GRID2: variants seen among roughly 807,000 people sequenced by gnomAD.
The protein encoded by GRID2 is glutamate receptor ionotropic, delta-2.
Under a neutral mutation model 114.8 loss-of-function variants are expected in GRID2, and 33 were observed. The ratio of observed to expected loss-of-function variants is 0.29; its 90% CI spans 0.22 to 0.38. The LOEUF is 0.38. Ranked by LOEUF, GRID2 falls within the 10% of genes least tolerant of loss-of-function variation. The pLI, the probability that GRID2 is intolerant of heterozygous loss-of-function variation, is 1.00. For synonymous variants in GRID2, 505 were observed against 449.9 expected (o/e 1.12, Z -1.55); for missense variants, 1,184 against 1,257.7 (o/e 0.94, Z 0.89).
intron 13 of GRID2, among the ~76,000 whole-genome samples, chr4:93,562,065 A>G (rs1486634452): frequency 6.6e-6 from 1 of 152,104 alleles, no homozygotes; most frequent in Non-Finnish European, 1.5e-5. Context: ...TTGCTGAATC[A>G]TATGGTAACA....
At chr4:92,822,365 A>G (rs1741349915) in intron 2 of GRID2, 2 of 616,956 alleles carry the variant, frequency 3.2e-6, no homozygotes. Context: ...TGTGTGGCCA[A>G]AGTGGTTCAT....
chr4:93,179,124 C>T (rs146005434), intron 4 of GRID2, among the ~76,000 whole-genome samples: 1 of 152,280 alleles, frequency 6.6e-6, no homozygotes, highest in Non-Finnish European at 1.5e-5. Flanking sequence ...AGCTGAGAAT[C>T]CTACTGAGGC....
chr4:93,166,454 T>C (rs1423330663), intron 4 of GRID2, among the ~76,000 whole-genome samples: 1 of 152,106 alleles, frequency 6.6e-6, no homozygotes, highest in Non-Finnish European at 1.5e-5. Flanking sequence ...CTAAAAATAT[T>C]TGGAGAAAGA....
chr4:93,070,541 T>G (rs1728720062), intron 2 of GRID2, among the ~76,000 whole-genome samples: 1 of 152,058 alleles, frequency 6.6e-6, no homozygotes, highest in Admixed American at 6.6e-5. Flanking sequence ...GTGATCCAGC[T>G]CCTGCTGCCA....
intron 14 of GRID2, among the ~76,000 whole-genome samples, chr4:93,764,592 G>A (rs1285547475): frequency 2.0e-5 from 3 of 152,096 alleles, no homozygotes; most frequent in African/African-American, 4.8e-5. Context: ...ACACCACAAT[G>A]ACCCTCAAAA....
At chr4:93,454,555 G>A (rs1464694086) in intron 10 of GRID2, among the ~76,000 whole-genome samples, 2 of 151,804 alleles carry the variant, frequency 1.3e-5, no homozygotes, top group East Asian at 1.9e-4. Context: ...ATATGAACTC[G>A]GTACACACAG....
At chr4:92,682,168 C>T (rs554280761) in intron 2 of GRID2, among the ~76,000 whole-genome samples, 35 of 152,002 alleles carry the variant, frequency 2.3e-4, no homozygotes, top group Middle Eastern at 3.4e-3. Context: ...ATCATCACTT[C>T]AACATGAATC....
intron 7 of GRID2, among the ~76,000 whole-genome samples, chr4:93,229,617 A>G (rs1745885219): frequency 6.6e-6 from 1 of 152,188 alleles, no homozygotes; most frequent in Non-Finnish European, 1.5e-5. Context: ...AATAAATACA[A>G]AATGCCTATA....
At chr4:92,400,983 A>T (rs916496552) in intron 1 of GRID2, among the ~76,000 whole-genome samples, 3 of 152,170 alleles carry the variant, frequency 2.0e-5, no homozygotes, top group African/African-American at 7.2e-5. Flanking sequence ...AAATAACCTC[A>T]ATATAAGTTG....
intron 11 of GRID2, among the ~76,000 whole-genome samples, chr4:93,485,165 T>C (rs1726262925): frequency 6.6e-6 from 1 of 151,874 alleles, no homozygotes; most frequent in Admixed American, 6.6e-5. Flanking sequence ...CAGTAGTTAA[T>C]AAGATTGCTA....
In GRID2 at chr4:93,674,153, G is replaced by A. The variant is rs35489039; in HGVS notation, c.2360+47718G>A. On this transcript the variant is annotated intron_variant, in intron 14 of 15. Coordinates refer to ENST00000282020, the MANE Select transcript of GRID2 (RefSeq NM_001510.4). ...TCATTGCTGCTAGGTGTTATACTCT[G>A]AAGTATAAAGTCAAAACAAATTATA... 4.3e-3 allele frequency among the ~76,000 whole-genome samples: 659 copies of A among 152,234 alleles called. 4 individuals are homozygous for A. The highest frequency in any genetic ancestry group is 0.012 in the South Asian group (58 of 4,810).
At chr4:93,152,004 T>C (rs1213174461) in intron 4 of GRID2, among the ~76,000 whole-genome samples, 1 of 152,126 alleles carries the variant, frequency 6.6e-6, no homozygotes, top group Non-Finnish European at 1.5e-5. Flanking sequence ...TTTTTGCCTG[T>C]TCTAGTTTCA....
At chr4:93,559,016 C>G (rs957667289) in intron 13 of GRID2, among the ~76,000 whole-genome samples, 3 of 152,054 alleles carry the variant, frequency 2.0e-5, no homozygotes, top group African/African-American at 7.2e-5. Flanking sequence ...GCAGAAAAGG[C>G]CTTTGACAAA....
At chr4:92,454,008 CAT>C (rs1368276363) in intron 1 of GRID2, among the ~76,000 whole-genome samples, 1 of 152,028 alleles carries the variant, frequency 6.6e-6, no homozygotes, top group Non-Finnish European at 1.5e-5. Context: ...ACAGCCAAAA[CAT>C]AATTAGATTT....
intron 8 of GRID2, among the ~76,000 whole-genome samples, chr4:93,283,115 G>A (rs994228015): frequency 6.6e-6 from 1 of 152,066 alleles, no homozygotes; most frequent in African/African-American, 2.4e-5. Flanking sequence ...ACCCAAAGCA[G>A]TTAACAATCT....
intron 2 of GRID2, among the ~76,000 whole-genome samples, chr4:92,880,676 A>C (rs1216916720): frequency 6.6e-6 from 1 of 152,182 alleles, no homozygotes; most frequent in Admixed American, 6.5e-5. Context: ...TCAAAAAAAC[A>C]AAAACAAATA....
At chr4:92,669,347 A>C (rs1246120899) in intron 2 of GRID2, among the ~76,000 whole-genome samples, 1 of 151,930 alleles carries the variant, frequency 6.6e-6, no homozygotes, top group East Asian at 1.9e-4. Context: ...TAACAAATAC[A>C]TCAACTGGAA....
intron 14 of GRID2, among the ~76,000 whole-genome samples, chr4:93,707,946 C>A (rs1728152418): frequency 6.6e-6 from 1 of 151,686 alleles, no homozygotes; most frequent in Non-Finnish European, 1.5e-5. Flanking sequence ...CTTCATTGAC[C>A]CCACTGATCA....
chr4:93,439,388 G>C (rs1721412646), intron 10 of GRID2, among the ~76,000 whole-genome samples: 1 of 151,978 alleles, frequency 6.6e-6, no homozygotes, highest in South Asian at 2.1e-4. Context: ...ACAAAAATAG[G>C]GGATGCAGAA....
Sources: gnomAD v4.1 joint callset for allele counts (sites outside exome capture counted in the v4.1 genomes callset) on GRCh38, gnomAD v4.1.1 for gene constraint, MANE v1.5 for transcripts, NCBI Gene and HGNC (gene_info 2026-07-23, HGNC 2026-07-21) for gene names.